TRIM28: variants seen among roughly 807,000 people sequenced by gnomAD.
The protein encoded by TRIM28 is tripartite motif containing 28, also known as transcription intermediary factor 1-beta.
In TRIM28, 8 loss-of-function variants were observed where a neutral mutation model predicts 87.4. That is an observed-to-expected ratio of 0.09 (90% CI 0.05 to 0.17). The LOEUF is 0.17. TRIM28 is among the 10% of genes least tolerant of loss of function. The pLI is 1.00. For synonymous variants in TRIM28, 601 were observed against 454.3 expected, an observed-to-expected ratio of 1.32 and a Z score of -4.11; for missense variants, 968 against 1,131.8, an observed-to-expected ratio of 0.86 and a Z score of 2.08.
chr19:58,545,373 C>G, intron 1 of TRIM28, 52 bp from the exon 2 acceptor site: 1 of 1,451,528 alleles, frequency 6.9e-7, no homozygotes, highest in South Asian at 1.2e-5. Context: ...TGGTGGGGGC[C>G]ATAACCTGGG....
Position 58,547,855 on chromosome 19 carries a change from G to A in TRIM28, c.903G>A (p.Gln301=). Reference sequence around the variant, plus strand: ...TGGATGTCAAGATGGCCATCCTGCAGATCATGAAGGAGCTGAATAAGCGGG... The same window carrying A: ...TGGATGTCAAGATGGCCATCCTGCAAATCATGAAGGAGCTGAATAAGCGGG... ...VQVDVKMAIL[Q]IMKELNKRGR... Residue 301 remains glutamine (Q), a synonymous_variant, in exon 6 of 17, where the codon CAG becomes CAA. Coordinates refer to ENST00000253024, the MANE Select transcript of TRIM28 (RefSeq NM_005762.3). The A allele has an allele frequency of 6.2e-7, 1 of 1,614,204 alleles. No individual in the cohort carries two copies. The highest frequency in any genetic ancestry group is 1.1e-5 in the South Asian group (1 of 91,084).
chr19:58,545,978 T>C (rs895686389), intron 3 of TRIM28, 82 bp downstream of exon 3: 81 of 1,516,338 alleles, frequency 5.3e-5, no homozygotes, highest in Non-Finnish European at 6.1e-5. Flanking sequence ...TTGCATCTGG[T>C]GGATGGGTCC....
At chr19:58,548,249 T>G (rs2122629513) in intron 7 of TRIM28, 45 bp from the exon 8 acceptor site, 2 of 1,613,594 alleles carry the variant, frequency 1.2e-6, no homozygotes, top group East Asian at 2.2e-5. Flanking sequence ...AATCCCTATT[T>G]GTTGTTGGTG....
chr19:58,545,182 G>A (rs1366456863), intron 1 of TRIM28, 85 bp downstream of exon 1: 2 of 1,270,258 alleles, frequency 1.6e-6, no homozygotes, highest in Non-Finnish European at 1.0e-6. Flanking sequence ...ATGCCACCTG[G>A]GCGAGAGGAT....
rs2053793631 is a variant in TRIM28 at position 58,549,437 on chromosome 19, C to T, written c.1769C>T (p.Pro590Leu). Residue 590 changes from proline to leucine, a missense_variant, in exon 13 of 17, where the codon CCC (proline) becomes CTC (leucine). Physicochemically the swap from Pro to Leu is moderately conservative, Grantham distance 98. Coordinates refer to ENST00000253024, the MANE Select transcript of TRIM28 (RefSeq NM_005762.3). The surrounding 1 kb of genome is among the most constrained non-coding windows in gnomAD (Gnocchi z 4.4). ...ALAEGPGAEG[P>L]RLASPSGSTS... ...GCGGAGGGTCCTGGTGCTGAGGGTC[C>T]CCGCCTGGCCTCACCTAGTGGCAGC... 5 of 1,607,556 alleles carry T rather than the reference C, an allele frequency of 3.1e-6. No homozygotes were observed. Among genetic ancestry groups the T allele is most frequent in the Non-Finnish European group, 4.3e-6 (5 of 1,175,246 alleles).
At chr19:58,547,249 C>T (rs1250818380) in intron 3 of TRIM28, 127 bp from the exon 4 acceptor site, 2 of 1,270,968 alleles carry the variant, frequency 1.6e-6, no homozygotes, top group Non-Finnish European at 2.2e-6. Flanking sequence ...TGGCCACACC[C>T]TCTACATCTT....
At chr19:58,546,603 C>T (rs566712828) in intron 3 of TRIM28, among the ~76,000 whole-genome samples, 11 of 152,266 alleles carry the variant, frequency 7.2e-5, no homozygotes, top group African/African-American at 2.6e-4. Context: ...TGCAGGGTGT[C>T]CTACATTCCA....
chr19:58,544,235 T>G lies in TRIM28; in HGVS notation c.-523T>G, dbSNP rs1011453861. The G allele has an allele frequency of 1.1e-4, 16 of 152,340 alleles. No homozygotes were observed. The highest frequency in any genetic ancestry group is 3.9e-4 in the African/African-American group (16 of 41,466). 9.4% of individuals were successfully genotyped at this position (152,340 alleles called of 1,614,324 possible). On this transcript the variant is annotated 5_prime_UTR_variant, in exon 1 of 17. It adds an upstream start codon to the 5' untranslated region. Transcript: ENST00000253024. The stretch of plus-strand genomic sequence containing the variant: ...AGGTTCGCATACCCCACTGGCGGAT[T>G]CAATTGCGGCAGTGACGTCACAGAG...
At position 58,544,748 on chromosome 19, in the gene TRIM28, C is replaced by T. The variant is rs960775511; in HGVS notation, c.-10C>T. ...CTCCTCCCCCCCTGGGCGCCCCCGGCGGCGTGTGAATGGCGGCCTCCGCGG... is the reference window on the plus strand; with the variant it reads ...CTCCTCCCCCCCTGGGCGCCCCCGGTGGCGTGTGAATGGCGGCCTCCGCGG... On this transcript the variant is annotated 5_prime_UTR_variant, in exon 1 of 17. Transcript: ENST00000253024. 7 of 1,089,904 alleles carry T rather than the reference C, an allele frequency of 6.4e-6. No homozygotes were observed. Among genetic ancestry groups the T allele is most frequent in the South Asian group, 8.4e-5 (2 of 23,856 alleles). 67.5% of individuals were successfully genotyped at this position (1,089,904 alleles called of 1,614,324 possible). A position where few individuals can be genotyped will look rare whatever the true frequency, so the allele number is the denominator to read the frequency against.
chr19:58,545,016 G>A lies in TRIM28; in HGVS notation c.259G>A (p.Ala87Thr). 1 of 1,497,416 alleles carries A rather than the reference G, an allele frequency of 6.7e-7. No individual in the cohort carries two copies. The highest frequency in any genetic ancestry group is 8.8e-7 in the Non-Finnish European group (1 of 1,135,086). 92.8% of individuals were successfully genotyped at this position (1,497,416 alleles called of 1,614,324 possible). The change falls in exon 1 of 17, where the codon GCC (alanine) becomes ACC (threonine). Residue 87 changes from alanine to threonine, a missense_variant. Physicochemically the swap from Ala to Thr is moderately conservative, Grantham distance 58. Transcript: ENST00000253024. The stretch of plus-strand genomic sequence containing the variant: ...CCGCCTGCTGCCCTGTTTGCACTCG[G>A]CCTGTAGTGCCTGCTTAGGGCCCGC... ...EPRLLPCLHS[A>T]CSACLGPAAP...
In TRIM28 at chr19:58,548,548, A is replaced by G; in HGVS notation, c.1279A>G (p.Arg427Gly). Residue 427 changes from arginine to glycine, a missense_variant, in exon 9 of 17, where the codon AGA (arginine) becomes GGA (glycine). By Grantham distance (125) the Arg-to-Gly change is moderately radical. This residue lies in a region of TRIM28 where 119 missense variants were observed against 93.6 expected (regional missense o/e 1.27). Transcript: ENST00000253024. ...STGPAPMAPP[R>G]APGPLSKQGS... ...AGGCCCTGCACCCATGGCCCCTCCA[A>G]GAGCCCCAGGGCCCCTGAGCAAGCA... 6.2e-7 allele frequency: 1 copy of G among 1,613,888 alleles called. No homozygotes were observed. The highest frequency in any genetic ancestry group is 8.5e-7 in the Non-Finnish European group (1 of 1,179,990).
Position 58,544,901 on chromosome 19 carries a change from G to T in TRIM28, c.144G>T (p.Ala48=), listed in dbSNP as rs771009315. The T allele has an allele frequency of 3.6e-6, 5 of 1,380,122 alleles. No individual in the cohort carries two copies. Among genetic ancestry groups the T allele is most frequent in the Non-Finnish European group, 4.7e-6 (5 of 1,075,220 alleles). The allele number at this position is 1,380,122 out of a possible 1,614,324, so 85.5% of individuals were successfully genotyped here. A position where few individuals can be genotyped will look rare whatever the true frequency, so the allele number is the denominator to read the frequency against. ...CCTCGGCCTCTGCCTCAGCCGCGGC[G>T]TCGTCGCCCGCGGGGGGCGGCGCCG... ...AAASASASAA[A]SSPAGGGAEA... The change falls in exon 1 of 17, where the codon GCG becomes GCT. Residue 48 remains alanine (A), a synonymous_variant. Coordinates refer to ENST00000253024, the MANE Select transcript of TRIM28 (RefSeq NM_005762.3).
chr19:58,550,309 G>C, intron 16 of TRIM28, 25 bp downstream of exon 16: 1 of 1,613,894 alleles, frequency 6.2e-7, no homozygotes, highest in Non-Finnish European at 8.5e-7. Context: ...TGGAGAGGCT[G>C]TGGGCAGGGG....
At position 58,545,849 on chromosome 19, in the gene TRIM28, C is replaced by A. The variant is rs749756092; in HGVS notation, c.539C>A (p.Ala180Glu). 1 of 1,610,738 alleles carries A rather than the reference C, an allele frequency of 6.2e-7. No individual in the cohort carries two copies. The highest frequency in any genetic ancestry group is 1.1e-5 in the South Asian group (1 of 91,018). Residue 180 changes from alanine (A) to glutamate (E), a missense_variant, in exon 3 of 17, where the codon GCG becomes GAG. Ala to Glu is a moderately radical substitution (Grantham distance 107, BLOSUM62 -1). This residue lies in a region of TRIM28 where 5 missense variants were observed against 30.4 expected (regional missense o/e 0.16). Coordinates refer to ENST00000253024, the MANE Select transcript of TRIM28 (RefSeq NM_005762.3). Reference sequence around the variant, plus strand: ...CCTCTGTGTGAGACCTGTGTAGAGGCGCACCAGCGGGTGAAGTACACCAAG... The same window carrying A: ...CCTCTGTGTGAGACCTGTGTAGAGGAGCACCAGCGGGTGAAGTACACCAAG... ...SEPLCETCVE[A>E]HQRVKYTKDH...
chr19:58,548,444 C>T, intron 8 of TRIM28, 36 bp downstream of exon 8: 1 of 1,613,892 alleles, frequency 6.2e-7, no homozygotes, highest in Non-Finnish European at 8.5e-7. Context: ...TGTTATTACC[C>T]CACGTGCTGC....
intron 1 of TRIM28, 111 bp from the exon 2 acceptor site, chr19:58,545,314 G>T: frequency 1.0e-6 from 1 of 976,764 alleles, no homozygotes. Context: ...GGGAGGGGAG[G>T]GGCTGGTTCG....
At chr19:58,545,271 A>G (rs1258055798) in intron 1 of TRIM28, 154 bp from the exon 2 acceptor site, 4 of 873,002 alleles carry the variant, frequency 4.6e-6, no homozygotes, top group Admixed American at 5.6e-5. Flanking sequence ...CTGAGATGGG[A>G]CATCTGACTA....
intron 9 of TRIM28, 26 bp downstream of exon 9, chr19:58,548,618 G>A (rs1411320447): frequency 1.2e-6 from 2 of 1,610,564 alleles, no homozygotes; most frequent in South Asian, 1.1e-5. Flanking sequence ...GACCCAGGAA[G>A]GGGTGGGCAG....
rs780564633 is a variant in TRIM28 at position 58,549,113 on chromosome 19, G to A, written c.1535G>A (p.Ser512Asn). ...QPPVFKVFPG[S>N]TTEDYNLIVI... Reference sequence around the variant, plus strand: ...CCCGTCTTCAAGGTCTTCCCAGGCAGTACCACTGAGGACTACAACCTTATT... The same window carrying A: ...CCCGTCTTCAAGGTCTTCCCAGGCAATACCACTGAGGACTACAACCTTATT... Residue 512 changes from serine to asparagine, a missense_variant, in exon 12 of 17, where the codon AGT becomes AAT. Physicochemically the swap from Ser to Asn is conservative, Grantham distance 46 (BLOSUM62 1). Transcript: ENST00000253024. The surrounding 1 kb of genome is among the most constrained non-coding windows in gnomAD (Gnocchi z 4.4). The A allele has an allele frequency of 5.0e-6, 8 of 1,614,048 alleles. No homozygotes were observed. The African/African-American group carries it at 6.7e-5, about 13-fold the overall frequency.
Sources: allele counts gnomAD v4.1 joint callset (sites outside exome capture counted in the v4.1 genomes callset), GRCh38; gene constraint gnomAD v4.1.1; regional missense constraint gnomAD v4.1.1; non-coding constraint Gnocchi (gnomAD v3.1); transcripts MANE v1.5; gene names NCBI Gene and HGNC (gene_info 2026-07-23, HGNC 2026-07-21).